The following TAFA2 variants were observed in gnomAD, a reference collection of about 807,000 sequenced individuals.
The protein encoded by TAFA2 is TAFA chemokine like family member 2, also known as chemokine-like protein TAFA-2.
A neutral mutation model predicts 18.8 loss-of-function variants in TAFA2; 7 were observed. The ratio of observed to expected loss-of-function variants is 0.37; its 90% CI spans 0.21 to 0.70. The LOEUF is 0.70. Ranked by LOEUF, TAFA2 falls within the 30% of genes least tolerant of loss-of-function variation. The pLI is 0.53. For missense variants in TAFA2, 122 were observed against 158.1 expected (o/e 0.77, Z 1.23); for synonymous variants, 60 against 54.2 (o/e 1.11, Z -0.47).
intron 1 of TAFA2, among the ~76,000 whole-genome samples, chr12:61,956,155 C>CAA (rs5798624): frequency 6.6e-6 from 1 of 151,858 alleles, no homozygotes; most frequent in South Asian, 2.1e-4. Flanking sequence ...ATAGCAGAGT[C>CAA]AAAAAACTCC....
chr12:61,840,618 A>G (rs1873131464), intron 2 of TAFA2, among the ~76,000 whole-genome samples: 1 of 152,086 alleles, frequency 6.6e-6, no homozygotes, highest in Non-Finnish European at 1.5e-5. Context: ...AGAATAAATG[A>G]GCCAGCCCAA....
intron 1 of TAFA2, among the ~76,000 whole-genome samples, chr12:62,212,804 C>A (rs564398626): frequency 6.6e-6 from 1 of 152,230 alleles, no homozygotes; most frequent in South Asian, 2.1e-4. Flanking sequence ...TATAACTGTA[C>A]TGATACAACA....
chr12:61,904,900 C>T (rs1876276770), intron 1 of TAFA2, among the ~76,000 whole-genome samples: 1 of 152,078 alleles, frequency 6.6e-6, no homozygotes, highest in Non-Finnish European at 1.5e-5. Context: ...GTCTTTGATT[C>T]AATAAAATGT....
At chr12:61,921,527 T>TTGGTGTGGTGTGGTGGGGTA (rs971691775) in intron 1 of TAFA2, among the ~76,000 whole-genome samples, 3 of 151,964 alleles carry the variant, frequency 2.0e-5, no homozygotes, top group Non-Finnish European at 2.9e-5. Flanking sequence ...TTTTTGTTGT[T>TTGGTGTGGTGTGGTGGGGTA]TGGTGTGGTG....
chr12:62,022,498 C>T (rs979151902), intron 1 of TAFA2, among the ~76,000 whole-genome samples: 2 of 152,042 alleles, frequency 1.3e-5, no homozygotes, highest in Non-Finnish European at 2.9e-5. Context: ...ATAATAATAA[C>T]AATAATAGCT....
At chr12:61,755,830 T>G (rs750478819) in intron 2 of TAFA2, among the ~76,000 whole-genome samples, 74 of 152,122 alleles carry the variant, frequency 4.9e-4, no homozygotes, top group Non-Finnish European at 8.8e-4. Context: ...AGATTCTAGT[T>G]TGTCTTCATT....
At chr12:61,778,841 C>A (rs1010446030) in intron 2 of TAFA2, among the ~76,000 whole-genome samples, 1 of 151,908 alleles carries the variant, frequency 6.6e-6, no homozygotes, top group South Asian at 2.1e-4. Context: ...CCATCACCAT[C>A]TAGCCCCCAT....
chr12:61,968,929 G>A (rs139983907), intron 1 of TAFA2, among the ~76,000 whole-genome samples: 2 of 151,714 alleles, frequency 1.3e-5, no homozygotes, highest in African/African-American at 4.8e-5. Context: ...CCCTTCATAA[G>A]CTAGGTTATG....
intron 1 of TAFA2, among the ~76,000 whole-genome samples, chr12:62,044,481 A>G (rs983426550): frequency 2.0e-5 from 3 of 152,134 alleles, no homozygotes; most frequent in Admixed American, 1.3e-4. Context: ...ATTTCCCACA[A>G]GTAAAGAAAG....
At chr12:61,776,612 T>C (rs1275253947) in intron 2 of TAFA2, among the ~76,000 whole-genome samples, 1 of 151,808 alleles carries the variant, frequency 6.6e-6, no homozygotes, top group East Asian at 1.9e-4. Flanking sequence ...TTTTGTGAGA[T>C]GCCTGAAAGC....
At chr12:62,146,284 C>CT (rs11415151) in intron 1 of TAFA2, among the ~76,000 whole-genome samples, 54,942 of 117,560 alleles carry the variant, frequency 0.47, 14,089 homozygotes, top group South Asian at 0.54. Flanking sequence ...CCCTTTGCTG[C>CT]TTTTTTTTTT....
At chr12:62,118,569 A>G (rs2136875885) in intron 1 of TAFA2, among the ~76,000 whole-genome samples, 1 of 152,260 alleles carries the variant, frequency 6.6e-6, no homozygotes, top group South Asian at 2.1e-4. Flanking sequence ...GATTGCACCA[A>G]TTTGCCCTCC....
intron 1 of TAFA2, among the ~76,000 whole-genome samples, chr12:61,997,796 T>A (rs915510318): frequency 6.6e-6 from 1 of 152,014 alleles, no homozygotes; most frequent in African/African-American, 2.4e-5. Flanking sequence ...TTAAGCATTG[T>A]TTTTTGGATT....
chr12:61,760,464 T>C (rs1409108377), intron 2 of TAFA2, among the ~76,000 whole-genome samples: 2 of 149,926 alleles, frequency 1.3e-5, no homozygotes, highest in African/African-American at 2.5e-5. Context: ...GAAATATGTA[T>C]GCATACGTTT....
intron 1 of TAFA2, among the ~76,000 whole-genome samples, chr12:61,933,911 G>T (rs1877662438): frequency 6.6e-6 from 1 of 152,172 alleles, no homozygotes; most frequent in Admixed American, 6.5e-5. Context: ...AGTGGTAAAA[G>T]CAGCAAGGAG....
chr12:62,078,168 T>C (rs1868265153), intron 1 of TAFA2, among the ~76,000 whole-genome samples: 1 of 152,104 alleles, frequency 6.6e-6, no homozygotes, highest in Non-Finnish European at 1.5e-5. Flanking sequence ...CTTACCTCCC[T>C]TAACAAGCTG....
chr12:61,848,579 C>T (rs555351082), intron 2 of TAFA2, among the ~76,000 whole-genome samples: 1 of 151,270 alleles, frequency 6.6e-6, no homozygotes, highest in South Asian at 2.1e-4. Context: ...TATTCCCCAT[C>T]CCAAGGCAAT....
At chr12:61,983,435 G>A (rs997659218) in intron 1 of TAFA2, among the ~76,000 whole-genome samples, 2 of 142,344 alleles carry the variant, frequency 1.4e-5, no homozygotes, top group African/African-American at 2.5e-5. Flanking sequence ...TTGGGACAGA[G>A]TCTCAATCTG....
At chr12:61,926,727 C>T (rs1016095232) in intron 1 of TAFA2, among the ~76,000 whole-genome samples, 2 of 152,010 alleles carry the variant, frequency 1.3e-5, no homozygotes, top group Non-Finnish European at 2.9e-5. Context: ...ATAACAAAAC[C>T]ACAGCCAATA....
Sources: gnomAD v4.1 joint callset for allele counts (sites outside exome capture counted in the v4.1 genomes callset) on GRCh38, gnomAD v4.1.1 for gene constraint, MANE v1.5 for transcripts, NCBI Gene and HGNC (gene_info 2026-07-23, HGNC 2026-07-21) for gene names.